SLC25A13: variants seen among roughly 807,000 people sequenced by gnomAD.
The protein encoded by SLC25A13 is electrogenic aspartate/glutamate antiporter SLC25A13, mitochondrial.
Under a neutral mutation model 85.5 loss-of-function variants are expected in SLC25A13, and 70 were observed. The observed-to-expected ratio is 0.82, with a 90% CI of 0.68 to 1.00. SLC25A13 has a LOEUF of 1.00. Among genes scored for constraint, SLC25A13 ranks in the 50% least tolerant of loss-of-function variants. The pLI is 0.00. For missense variants in SLC25A13, 765 were observed against 819.8 expected (o/e 0.93, Z 0.82); for synonymous variants, 259 against 288.7 (o/e 0.90, Z 1.04).
chr7:96,232,404 G>A (rs868107422), intron 4 of SLC25A13, among the ~76,000 whole-genome samples: 1 of 152,142 alleles, frequency 6.6e-6, no homozygotes. Flanking sequence ...CAAGGACACA[G>A]AGAGGAATAA....
chr7:96,203,131 T>C (rs1056274971), intron 5 of SLC25A13, among the ~76,000 whole-genome samples: 1 of 152,190 alleles, frequency 6.6e-6, no homozygotes, highest in Non-Finnish European at 1.5e-5. Flanking sequence ...CTTATGAGGT[T>C]TGCCTCGACA....
At chr7:96,205,470 C>T (rs1795424174) in intron 5 of SLC25A13, among the ~76,000 whole-genome samples, 1 of 152,096 alleles carries the variant, frequency 6.6e-6, no homozygotes, top group African/African-American at 2.4e-5. Flanking sequence ...ATGAAGTTAA[C>T]TGGGCATTAA....
intron 5 of SLC25A13, among the ~76,000 whole-genome samples, chr7:96,199,493 T>C (rs183555760): frequency 7.0e-4 from 106 of 152,206 alleles, no homozygotes; most frequent in African/African-American, 2.4e-3. Flanking sequence ...TACCAGGCAA[T>C]GGGTGCTTAC....
chr7:96,151,548 G>A (rs60393069), intron 13 of SLC25A13, among the ~76,000 whole-genome samples: 3,134 of 151,900 alleles, frequency 0.021, 115 homozygotes, highest in African/African-American at 0.072. Flanking sequence ...AGTGAGCCAG[G>A]ATCGTGCCAC....
intron 2 of SLC25A13, among the ~76,000 whole-genome samples, chr7:96,293,931 T>C (rs1799234062): frequency 6.6e-6 from 1 of 152,164 alleles, no homozygotes. Context: ...CATTACTGGG[T>C]ATATACCCAA....
rs575856510 is a variant in SLC25A13 at position 96,272,069 on chromosome 7, G to A, written c.212+5127C>T. ...CCTGGCTAATTTTTTTGTATTTTTAGTAGAGATGGGGTTTCACCATGTTGG... is the reference window on the plus strand; with the variant it reads ...CCTGGCTAATTTTTTTGTATTTTTAATAGAGATGGGGTTTCACCATGTTGG... On this transcript the variant is annotated intron_variant, in intron 3 of 17. Coordinates refer to ENST00000265631, the MANE Select transcript of SLC25A13 (RefSeq NM_014251.3). Among the ~76,000 whole-genome samples, 27 of 152,176 alleles carry A rather than the reference G, an allele frequency of 1.8e-4. No individual in the cohort carries two copies. The South Asian group carries it at 5.6e-3, about 32-fold the overall frequency.
rs1196465937 is a variant in SLC25A13, at chr7:96,121,148, G to T, written c.*43C>A. 6.3e-7 allele frequency: 1 copy of T among 1,595,902 alleles called. No individual in the cohort carries two copies. Among genetic ancestry groups the T allele is most frequent in the Non-Finnish European group, 8.6e-7 (1 of 1,163,548 alleles). ...ATTCCCAGGAGGGATGTTCTTTACT[G>T]CAGTACCCACAAAAAGACAGCACTA... is the stretch of plus-strand genomic sequence containing the variant. On this transcript the variant is annotated 3_prime_UTR_variant, in exon 18 of 18. Coordinates refer to ENST00000265631, the MANE Select transcript of SLC25A13 (RefSeq NM_014251.3).
intron 4 of SLC25A13, among the ~76,000 whole-genome samples, chr7:96,214,156 G>A (rs1002653532): frequency 2.0e-5 from 3 of 152,118 alleles, no homozygotes; most frequent in African/African-American, 7.2e-5. Context: ...CAATTACAAA[G>A]TGGCAGTTGT....
At chr7:96,206,351 A>G (rs545584778) in intron 5 of SLC25A13, among the ~76,000 whole-genome samples, 2 of 152,316 alleles carry the variant, frequency 1.3e-5, no homozygotes, top group Admixed American at 1.3e-4. Context: ...TAAATTCACT[A>G]ATATCTTTAA....
At chr7:96,125,148 G>A (rs963135204) in intron 15 of SLC25A13, among the ~76,000 whole-genome samples, 10 of 151,926 alleles carry the variant, frequency 6.6e-5, no homozygotes, top group African/African-American at 9.7e-5. Context: ...CTGGGGCTGC[G>A]CACGATCTTG....
intron 4 of SLC25A13, among the ~76,000 whole-genome samples, chr7:96,228,986 TC>T (rs1796423283): frequency 6.6e-6 from 1 of 151,828 alleles, no homozygotes; most frequent in African/African-American, 2.4e-5. Flanking sequence ...CATGCCCAAG[TC>T]CCCCCAACCC....
At chr7:96,145,868 G>A in intron 14 of SLC25A13, among the ~76,000 whole-genome samples, 1 of 152,234 alleles carries the variant, frequency 6.6e-6, no homozygotes, top group East Asian at 1.9e-4. Context: ...ACTATCTTAA[G>A]TAGACATTTT....
chr7:96,282,706 A>C (rs555985457), intron 2 of SLC25A13, among the ~76,000 whole-genome samples: 2 of 152,220 alleles, frequency 1.3e-5, no homozygotes, highest in African/African-American at 4.8e-5. Context: ...TATTAACATA[A>C]ATCAGAAAAA....
At chr7:96,148,846 C>T (rs187481564) in intron 13 of SLC25A13, among the ~76,000 whole-genome samples, 8 of 152,280 alleles carry the variant, frequency 5.3e-5, no homozygotes, top group South Asian at 2.1e-4. Context: ...GGCAGAGCTT[C>T]GGTCTCCCTA....
chr7:96,160,601 A>T (rs1445248381), intron 13 of SLC25A13, among the ~76,000 whole-genome samples: 1 of 152,156 alleles, frequency 6.6e-6, no homozygotes, highest in Non-Finnish European at 1.5e-5. Context: ...CCTCCCTGGG[A>T]TCCCTTTTAT....
chr7:96,174,434 G>A (rs2023698), intron 11 of SLC25A13, among the ~76,000 whole-genome samples: 76,938 of 152,082 alleles, frequency 0.51, 20,658 homozygotes, highest in African/African-American at 0.68. Context: ...ATCTATAATA[G>A]GAGAAGGCTT....
At chr7:96,235,076 T>C (rs73710238) in intron 3 of SLC25A13, among the ~76,000 whole-genome samples, 159 bp from the exon 4 acceptor site, 1,880 of 152,316 alleles carry the variant, frequency 0.012, 39 homozygotes, top group African/African-American at 0.043. Flanking sequence ...TTACATATAG[T>C]GGACTGAAAT....
intron 7 of SLC25A13, among the ~76,000 whole-genome samples, chr7:96,190,661 G>A (rs959421847): frequency 2.0e-5 from 3 of 152,088 alleles, no homozygotes; most frequent in African/African-American, 7.2e-5. Context: ...TGCCCAGGCT[G>A]GAGTGCAGTG....
chr7:96,193,279 G>C, intron 5 of SLC25A13, 96 bp from the exon 6 acceptor site: 1 of 1,450,206 alleles, frequency 6.9e-7, no homozygotes. Context: ...AAGAAAGAGA[G>C]TTTACATCTT....
Sources: allele counts gnomAD v4.1 joint callset (sites outside exome capture counted in the v4.1 genomes callset), GRCh38; gene constraint gnomAD v4.1.1; transcripts MANE v1.5; gene names NCBI Gene and HGNC (gene_info 2026-07-23, HGNC 2026-07-21).